The following TMEM108 variants were observed in gnomAD, a reference collection of about 807,000 sequenced individuals.
TMEM108 encodes transmembrane protein 108.
Under a neutral mutation model 35.1 loss-of-function variants are expected in TMEM108, and 12 were observed. The ratio of observed to expected loss-of-function variants is 0.34; its 90% CI spans 0.22 to 0.55. TMEM108 has a LOEUF of 0.55. TMEM108 is among the 20% of genes least tolerant of loss of function. The pLI, the probability that TMEM108 is intolerant of heterozygous loss-of-function variation, is 0.89. For missense variants in TMEM108, 680 were observed against 753.3 expected (o/e 0.90, Z 1.14); for synonymous variants, 287 against 308.6 (o/e 0.93, Z 0.73).
At chr3:133,288,881 G>A (rs1203605082) in intron 3 of TMEM108, among the ~76,000 whole-genome samples, 1 of 151,990 alleles carries the variant, frequency 6.6e-6, no homozygotes, top group Non-Finnish European at 1.5e-5. Context: ...GACTACGGGT[G>A]TGTGCCACCA....
intron 3 of TMEM108, among the ~76,000 whole-genome samples, chr3:133,374,885 GC>G (rs2072788664): frequency 2.6e-5 from 4 of 152,188 alleles, no homozygotes; most frequent in Admixed American, 2.6e-4. Flanking sequence ...GAATGGCAGA[GC>G]CCCCTGGGGA....
At chr3:133,369,941 C>T (rs1399587879) in intron 3 of TMEM108, among the ~76,000 whole-genome samples, 1 of 152,158 alleles carries the variant, frequency 6.6e-6, no homozygotes, top group Admixed American at 6.5e-5. Context: ...TGCTGTCTGC[C>T]ATCCATGCAC....
chr3:133,225,448 A>G (rs1946055512), intron 2 of TMEM108, among the ~76,000 whole-genome samples: 1 of 152,152 alleles, frequency 6.6e-6, no homozygotes, highest in African/African-American at 2.4e-5. Flanking sequence ...CAAAAAAGTC[A>G]TTGAGCTGTT....
chr3:133,267,142 T>C (rs2107679587), intron 3 of TMEM108, among the ~76,000 whole-genome samples: 1 of 151,886 alleles, frequency 6.6e-6, no homozygotes, highest in African/African-American at 2.4e-5. Context: ...GCCACCATTC[T>C]AGTGCAATTG....
At chr3:133,062,603 A>G (rs1943549113) in intron 2 of TMEM108, among the ~76,000 whole-genome samples, 1 of 152,254 alleles carries the variant, frequency 6.6e-6, no homozygotes, top group African/African-American at 2.4e-5. Context: ...ATCTCATATA[A>G]AATGTATTTA....
At chr3:133,076,482 G>A (rs1347267200) in intron 2 of TMEM108, among the ~76,000 whole-genome samples, 1 of 152,198 alleles carries the variant, frequency 6.6e-6, no homozygotes, top group Non-Finnish European at 1.5e-5. Flanking sequence ...TGGAGATTGG[G>A]CAGGACTGCT....
intron 3 of TMEM108, among the ~76,000 whole-genome samples, chr3:133,231,642 A>G (rs1290450082): frequency 6.6e-6 from 1 of 152,258 alleles, no homozygotes; most frequent in Admixed American, 6.5e-5. Flanking sequence ...TAAGACCAAC[A>G]GTAACTCAGG....
At chr3:133,067,573 C>G (rs1464721159) in intron 2 of TMEM108, among the ~76,000 whole-genome samples, 1 of 152,184 alleles carries the variant, frequency 6.6e-6, no homozygotes, top group Non-Finnish European at 1.5e-5. Flanking sequence ...TTTCAAGTGT[C>G]TTCAGTCGTG....
chr3:133,208,437 T>C (rs1185024190), intron 2 of TMEM108, among the ~76,000 whole-genome samples: 1 of 152,216 alleles, frequency 6.6e-6, no homozygotes, highest in Non-Finnish European at 1.5e-5. Context: ...GTGTTAGTCA[T>C]CTAAAGCTGT....
At chr3:133,206,606 C>G (rs113589987) in intron 2 of TMEM108, among the ~76,000 whole-genome samples, 2,281 of 152,296 alleles carry the variant, frequency 0.015, 76 homozygotes, top group African/African-American at 0.051. Flanking sequence ...TCCAGATCCT[C>G]TTTGCCTGGG....
intron 3 of TMEM108, among the ~76,000 whole-genome samples, chr3:133,357,098 A>T (rs1343763774): frequency 2.6e-5 from 4 of 152,206 alleles, no homozygotes; most frequent in Admixed American, 6.5e-5. Context: ...GACAAAACCA[A>T]TCCCATCAAA....
At position 133,396,017 on chromosome 3, in the gene TMEM108, T is replaced by A. The variant is rs770851046; in HGVS notation, c.*31T>A. The A allele has an allele frequency of 1.3e-6, 2 of 1,487,426 alleles. No individual in the cohort carries two copies. Among genetic ancestry groups the A allele is most frequent in the East Asian group, 2.6e-5 (1 of 39,214 alleles). The allele number at this position is 1,487,426 out of a possible 1,614,324, so 92.1% of individuals were successfully genotyped here. ...GCAGGCATCACTTTGCCATTCCGTA[T>A]TTTTCGTCTCTAAATTATAAATATA... On this transcript the variant is annotated 3_prime_UTR_variant, in exon 6 of 6. Transcript: ENST00000321871.
intron 2 of TMEM108, among the ~76,000 whole-genome samples, chr3:133,191,494 A>G (rs985306620): frequency 1.3e-5 from 2 of 152,180 alleles, no homozygotes; most frequent in African/African-American, 2.4e-5. Context: ...TCATACGAGT[A>G]TATTTTTCAC....
At chr3:133,152,931 C>T (rs1944822876) in intron 2 of TMEM108, among the ~76,000 whole-genome samples, 1 of 152,048 alleles carries the variant, frequency 6.6e-6, no homozygotes, top group Non-Finnish European at 1.5e-5. Flanking sequence ...AGAGTCCTAC[C>T]TCTAGGCTGC....
chr3:133,266,916 CA>C (rs11389496), intron 3 of TMEM108, among the ~76,000 whole-genome samples: 36,046 of 121,116 alleles, frequency 0.3, 4,965 homozygotes, highest in East Asian at 0.47. Context: ...ACTAAAAATC[CA>C]AAAAAAAAAA....
At chr3:133,107,960 G>A (rs115584616) in intron 2 of TMEM108, among the ~76,000 whole-genome samples, 5,810 of 152,218 alleles carry the variant, frequency 0.038, 143 homozygotes, top group Non-Finnish European at 0.054. Context: ...AGCTGGGCAC[G>A]GTGGCTCACG....
rs116263759 is a variant in TMEM108, at chr3:133,239,472, C to G, written c.40+10121C>G. On this transcript the variant is annotated intron_variant, in intron 3 of 5. Transcript: ENST00000321871. ...CACTTTCCCAGACCCCGTCCCAGAG[C>G]AATTAAATCAGAATCTTTGGGCATG... 6.1e-3 allele frequency among the ~76,000 whole-genome samples: 933 copies of G among 152,270 alleles called. 12 individuals are homozygous for G. Among genetic ancestry groups the G allele is most frequent in the African/African-American group, 0.021 (880 of 41,566 alleles).
At chr3:133,339,899 A>G (rs964915545) in intron 3 of TMEM108, among the ~76,000 whole-genome samples, 2 of 151,908 alleles carry the variant, frequency 1.3e-5, no homozygotes, top group Non-Finnish European at 3.0e-5. Flanking sequence ...TTTTCTTGAA[A>G]CAAATGATAA....
At chr3:133,379,618 G>T in intron 3 of TMEM108, 134 bp from the exon 4 acceptor site, 1 of 839,922 alleles carries the variant, frequency 1.2e-6, no homozygotes, top group South Asian at 1.6e-5. Flanking sequence ...CAGTGTAGGA[G>T]CACTAGTGTG....
Sources: allele counts gnomAD v4.1 joint callset (sites outside exome capture counted in the v4.1 genomes callset), GRCh38; gene constraint gnomAD v4.1.1; transcripts MANE v1.5; gene names NCBI Gene and HGNC (gene_info 2026-07-23, HGNC 2026-07-21).